Variants in GRIP2 observed in about 807,000 individuals in gnomAD.
The protein encoded by GRIP2 is glutamate receptor interacting protein 2.
A neutral mutation model predicts 108.3 loss-of-function variants in GRIP2; 58 were observed. The observed-to-expected ratio is 0.54, with a 90% CI of 0.43 to 0.67. The LOEUF is 0.67. GRIP2 is among the 30% of genes least tolerant of loss of function. The pLI is 0.00. For missense variants in GRIP2, 1,278 were observed against 1,430.6 expected, an observed-to-expected ratio of 0.89 and a Z score of 1.72; for synonymous variants, 586 against 598.2, an observed-to-expected ratio of 0.98 and a Z score of 0.30.
intron 21 of GRIP2, among the ~76,000 whole-genome samples, chr3:14,499,527 G>A (rs975186732): frequency 2.0e-5 from 3 of 151,582 alleles, no homozygotes; most frequent in African/African-American, 7.3e-5. Flanking sequence ...ACCAACCTGG[G>A]CAACATGGTG....
chr3:14,527,016 A>G (rs1351287207), intron 1 of GRIP2, among the ~76,000 whole-genome samples: 2 of 152,138 alleles, frequency 1.3e-5, no homozygotes, highest in African/African-American at 4.8e-5. Flanking sequence ...GTGAAACCCC[A>G]TCTCTACAAA....
chr3:14,510,694 G>A (rs374989349), intron 16 of GRIP2, among the ~76,000 whole-genome samples: 9 of 152,164 alleles, frequency 5.9e-5, no homozygotes, highest in Admixed American at 2.0e-4. Context: ...TCCAGTTGGC[G>A]CAGTCCTCAC....
At chr3:14,585,118 G>A in the GRIP2 span, among the ~76,000 whole-genome samples, 45 of 151,798 alleles carry the variant, frequency 3.0e-4, 1 homozygote, top group South Asian at 6.4e-3. Context: ...TTTGCCTCCC[G>A]GGTTCAAACG....
chr3:14,522,916 G>T lies in GRIP2; in HGVS notation c.566+84C>A. The T allele has an allele frequency of 9.0e-7, 1 of 1,108,290 alleles. No homozygotes were observed. Among genetic ancestry groups the T allele is most frequent in the Non-Finnish European group, 1.4e-6 (1 of 720,410 alleles). The allele number at this position is 1,108,290 out of a possible 1,614,324, so 68.7% of individuals were successfully genotyped here. The stretch of plus-strand genomic sequence containing the variant: ...CCTCGATCTCTTCATCTGGGGAAGG[G>T]GCATGGTGACCCCACTCCACCTTCT... On this transcript the variant is annotated intron_variant, in intron 6 of 23. Coordinates refer to ENST00000621039, the MANE Select transcript of GRIP2 (RefSeq NM_001080423.4). This position sits in a 1 kb window ranked among gnomAD's most constrained non-coding sequence, Gnocchi z 4.3.
intron 1 of GRIP2, among the ~76,000 whole-genome samples, chr3:14,537,606 A>G (rs747882340): frequency 1.3e-5 from 2 of 152,238 alleles, no homozygotes; most frequent in Non-Finnish European, 1.5e-5. Context: ...GTCAGAGACT[A>G]GGAAGAGACA....
intron 1 of GRIP2, among the ~76,000 whole-genome samples, chr3:14,537,029 T>C (rs4685195): frequency 0.29 from 43,370 of 152,174 alleles, 6,613 homozygotes; most frequent in East Asian, 0.52. Flanking sequence ...GGCATGGAGA[T>C]GCTAAGTGAC....
At chr3:14,549,877 G>A (rs1190581202) in intron 1 of GRIP2, among the ~76,000 whole-genome samples, 1 of 152,180 alleles carries the variant, frequency 6.6e-6, no homozygotes, top group Non-Finnish European at 1.5e-5. Flanking sequence ...GGTGGACGTG[G>A]TGATCACCAG....
At chr3:14,558,659 G>T (rs916514918), upstream of GRIP2, among the ~76,000 whole-genome samples, 16 of 152,192 alleles carry the variant, frequency 1.1e-4, no homozygotes, top group Admixed American at 6.5e-5. Context: ...AGGCCTTACA[G>T]GTGAGGACAC....
chr3:14,517,513 T>A lies in GRIP2; in HGVS notation c.1156+259A>T, dbSNP rs1050393834. Among the ~76,000 whole-genome samples the A allele has an allele frequency of 2.8e-3, 389 of 137,594 alleles. 7 individuals carry two copies. Among genetic ancestry groups the A allele is most frequent in the Non-Finnish European group, 1.0e-3 (65 of 63,822 alleles). The allele number at this position is 137,594 out of a possible 152,430, so 90.3% of individuals were successfully genotyped here. On this transcript the variant is annotated intron_variant, in intron 10 of 23. Coordinates refer to ENST00000621039, the MANE Select transcript of GRIP2 (RefSeq NM_001080423.4). The stretch of plus-strand genomic sequence containing the variant: ...CTCTCTCTTTTTTTTTTTTTTTTTT[T>A]TTTTTTTAGTTGAGGTCTCGCTCTG...
rs1575017131 is a variant in GRIP2, at chr3:14,525,631, G to A, written c.122-59C>T. Reference sequence around the variant, plus strand: ...CAGCTGGGGCCACCCCAGGCCCCCAGCTCTAAGATAAGCGAGGCGAGCACC... The same window carrying A: ...CAGCTGGGGCCACCCCAGGCCCCCAACTCTAAGATAAGCGAGGCGAGCACC... On this transcript the variant is annotated intron_variant, in intron 2 of 23. Coordinates refer to ENST00000621039, the MANE Select transcript of GRIP2 (RefSeq NM_001080423.4). 3.1e-6 allele frequency: 5 copies of A among 1,598,086 alleles called. No homozygotes were observed. The East Asian group carries it at 1.1e-4, about 36-fold the overall frequency.
the GRIP2 span, among the ~76,000 whole-genome samples, chr3:14,581,078 T>C: frequency 1.3e-5 from 2 of 152,182 alleles, no homozygotes; most frequent in African/African-American, 4.8e-5. Flanking sequence ...ACATGATAGA[T>C]GGATGGATGG....
At chr3:14,519,590 C>T (rs13098810) in intron 9 of GRIP2, among the ~76,000 whole-genome samples, 58,061 of 151,980 alleles carry the variant, frequency 0.38, 12,015 homozygotes, top group South Asian at 0.59. Flanking sequence ...GTGGCCACCC[C>T]CCACCCTGCC....
chr3:14,550,268 A>AT (rs1189965148), intron 1 of GRIP2, among the ~76,000 whole-genome samples: 1 of 152,254 alleles, frequency 6.6e-6, no homozygotes, highest in East Asian at 1.9e-4. Flanking sequence ...TCCTCCAGGA[A>AT]TGCCCTCTTC....
intron 22 of GRIP2, among the ~76,000 whole-genome samples, chr3:14,495,412 CGTTTTTGTTTTT>C (rs973942965): frequency 2.0e-5 from 3 of 152,022 alleles, no homozygotes; most frequent in African/African-American, 7.2e-5. Flanking sequence ...TTTTTGTTTT[CGTTTTTGTTTTT>C]GAGATGGAGT....
At chr3:14,570,475 T>C in the GRIP2 span, among the ~76,000 whole-genome samples, 4 of 152,202 alleles carry the variant, frequency 2.6e-5, no homozygotes, top group South Asian at 2.1e-4. Context: ...AACAGAGCTA[T>C]GCAAAGTGCG....
chr3:14,504,529 C>G (rs1693864224), intron 20 of GRIP2, among the ~76,000 whole-genome samples: 1 of 152,030 alleles, frequency 6.6e-6, no homozygotes, highest in Non-Finnish European at 1.5e-5. Flanking sequence ...CCAGGATGGT[C>G]TCGATCTCCC....
Position 14,525,890 on chromosome 3 carries a change from C to A in GRIP2, c.82G>T (p.Ala28Ser). The A allele has an allele frequency of 6.4e-7, 1 of 1,561,940 alleles. No individual in the cohort carries two copies. The highest frequency in any genetic ancestry group is 1.4e-5 in the African/African-American group (1 of 73,696). ...YSKGGKDAGG[A>S]DVSLACRRQS... ...CTGCGGCACGCCAGGGAAACGTCGG[C>A]CCCTCCTGCGTCCTTGCCTCCTTTG... Residue 28 changes from alanine to serine, a missense_variant, in exon 2 of 24, where the codon GCC (alanine) becomes TCC (serine). By Grantham distance (99) the Ala-to-Ser change is moderately conservative. Coordinates refer to ENST00000621039, the MANE Select transcript of GRIP2 (RefSeq NM_001080423.4).
intron 4 of GRIP2, 33 bp from the exon 5 acceptor site, chr3:14,523,731 T>C: frequency 2.1e-6 from 3 of 1,422,960 alleles, no homozygotes; most frequent in South Asian, 1.2e-5. Context: ...TTTGAGTCCC[T>C]CAGTCGCATC....
chr3:14,560,970 G>C (rs1446444168), upstream of GRIP2, among the ~76,000 whole-genome samples: 1 of 152,182 alleles, frequency 6.6e-6, no homozygotes, highest in Non-Finnish European at 1.5e-5. Context: ...CTCAACTTTA[G>C]TCAAAGGAGG....
Sources: gnomAD v4.1 joint callset for allele counts (sites outside exome capture counted in the v4.1 genomes callset) on GRCh38, gnomAD v4.1.1 for gene constraint, Gnocchi (gnomAD v3.1) non-coding constraint, MANE v1.5 for transcripts, NCBI Gene and HGNC (gene_info 2026-07-23, HGNC 2026-07-21) for gene names.